The following MTMR12 variants were observed in gnomAD, a reference collection of about 807,000 sequenced individuals.
The protein encoded by MTMR12 is myotubularin-related protein 12.
MTMR12 carries 33 observed loss-of-function variants against 96.7 expected under a neutral mutation model. That is an observed-to-expected ratio of 0.34 (90% CI 0.26 to 0.46). The LOEUF is 0.46. Ranked by LOEUF, MTMR12 falls within the 20% of genes least tolerant of loss-of-function variation. The pLI is 1.00. For missense variants in MTMR12, 721 were observed against 896.1 expected (o/e 0.80, Z 2.49); for synonymous variants, 298 against 327.2 (o/e 0.91, Z 0.96).
At chr5:32,272,763 C>T (rs1749887343) in intron 3 of MTMR12, among the ~76,000 whole-genome samples, 1 of 152,134 alleles carries the variant, frequency 6.6e-6, no homozygotes, top group Non-Finnish European at 1.5e-5. Context: ...AAGTTATGTA[C>T]AGGTTAACAT....
chr5:32,229,834 C>T lies in MTMR12; in HGVS notation c.2188G>A (p.Asp730Asn). The T allele has an allele frequency of 1.3e-6, 2 of 1,586,594 alleles. No homozygotes were observed. The highest frequency in any genetic ancestry group is 2.3e-5 in the South Asian group (2 of 87,074). ...LPTSGWKALG[D>N]EDDLAKREDE... Reference sequence around the variant, plus strand: ...TCTCGTTTGGCCAAATCGTCTTCATCTCCCAAAGCTTTCCAGCCACTGGTG... The same window carrying T: ...TCTCGTTTGGCCAAATCGTCTTCATTTCCCAAAGCTTTCCAGCCACTGGTG... Residue 730 changes from aspartate to asparagine, a missense_variant, in exon 16 of 16, where the codon GAT becomes AAT. Coordinates refer to ENST00000382142, the MANE Select transcript of MTMR12 (RefSeq NM_001040446.3).
At chr5:32,282,613 C>A (rs1474483570) in intron 1 of MTMR12, among the ~76,000 whole-genome samples, 2 of 152,042 alleles carry the variant, frequency 1.3e-5, no homozygotes, top group African/African-American at 4.8e-5. Context: ...CTGCTTCCCC[C>A]CTCAAACAAA....
intron 5 of MTMR12, among the ~76,000 whole-genome samples, chr5:32,270,426 T>C (rs1220671627): frequency 6.6e-6 from 1 of 152,244 alleles, no homozygotes; most frequent in Non-Finnish European, 1.5e-5. Flanking sequence ...TAAACTCATT[T>C]ACTCATAGAA....
chr5:32,250,858 C>G lies in MTMR12; in HGVS notation c.790-1980G>C, dbSNP rs533467419. ...GCGTGAAACAGTAAATAGAAAAAAA[C>G]AAAGTTCCTGGTCAAAGAGGCTTCT... On this transcript the variant is annotated intron_variant, in intron 8 of 15. Coordinates refer to ENST00000382142, the MANE Select transcript of MTMR12 (RefSeq NM_001040446.3). 2.6e-5 allele frequency among the ~76,000 whole-genome samples: 4 copies of G among 152,210 alleles called. No homozygotes were observed. The South Asian group carries it at 8.3e-4, about 32-fold the overall frequency.
chr5:32,242,798 T>C (rs1483168584), intron 11 of MTMR12, among the ~76,000 whole-genome samples: 3 of 152,030 alleles, frequency 2.0e-5, no homozygotes, highest in African/African-American at 7.2e-5. Flanking sequence ...TGCCATTATA[T>C]ATTCAAATTA....
Position 32,228,582 on chromosome 5 carries a change from TATATATGTGATATATATATATATATC to T in MTMR12, c.*1170_*1195del, listed in dbSNP as rs1561727105. 1 of 119,614 alleles carries T rather than the reference TATATATGTGATATATATATATATATC, an allele frequency of 8.4e-6. No individual in the cohort carries two copies. The highest frequency in any genetic ancestry group is 3.5e-5 in the African/African-American group (1 of 28,888). 7.4% of individuals were successfully genotyped at this position (119,614 alleles called of 1,614,324 possible). ...ATATATATATATCATATATATATCA[TATATATGTGATATATATATATATATC>T]ATATATATGATATATATATATCACA... On this transcript the variant is annotated 3_prime_UTR_variant, in exon 16 of 16. Transcript: ENST00000382142.
chr5:32,234,371 C>A (rs962751177), intron 14 of MTMR12, among the ~76,000 whole-genome samples: 1 of 152,132 alleles, frequency 6.6e-6, no homozygotes, highest in Non-Finnish European at 1.5e-5. Flanking sequence ...CCTCAGGAGG[C>A]TGCTCAGAAG....
rs145717434 is a variant in MTMR12, at chr5:32,250,444, C to T, written c.790-1566G>A. Among the ~76,000 whole-genome samples the T allele has an allele frequency of 8.8e-4, 134 of 152,338 alleles. 1 individual carries two copies. The highest frequency in any genetic ancestry group is 3.2e-3 in the African/African-American group (131 of 41,584). Reference sequence around the variant, plus strand: ...TCATGATGAGGTGGAAGTGTTAGAACGTAAGATAATCAAAGGGCCCTTTGC... The same window carrying T: ...TCATGATGAGGTGGAAGTGTTAGAATGTAAGATAATCAAAGGGCCCTTTGC... On this transcript the variant is annotated intron_variant, in intron 8 of 15. Coordinates refer to ENST00000382142, the MANE Select transcript of MTMR12 (RefSeq NM_001040446.3).
chr5:32,312,855 G>T lies in MTMR12; in HGVS notation c.-17C>A. ...CCCCAGCATACCGCCGCCCTGGGAAGCAGCGACGCGCGGACGCAGAGGCGG... is the reference window on the plus strand; with the variant it reads ...CCCCAGCATACCGCCGCCCTGGGAATCAGCGACGCGCGGACGCAGAGGCGG... On this transcript the variant is annotated 5_prime_UTR_variant, in exon 1 of 16. Coordinates refer to ENST00000382142, the MANE Select transcript of MTMR12 (RefSeq NM_001040446.3). The surrounding 1 kb of genome is among the most constrained non-coding windows in gnomAD (Gnocchi z 5.0). 1 of 1,516,862 alleles carries T rather than the reference G, an allele frequency of 6.6e-7. No homozygotes were observed. 94.0% of individuals were successfully genotyped at this position (1,516,862 alleles called of 1,614,324 possible). A position where few individuals can be genotyped will look rare whatever the true frequency, so the allele number is the denominator to read the frequency against.
intron 10 of MTMR12, 145 bp downstream of exon 10, chr5:32,247,857 C>G (rs1748761511): frequency 2.2e-6 from 3 of 1,365,076 alleles, no homozygotes; most frequent in East Asian, 2.5e-5. Flanking sequence ...TAATGGCAGC[C>G]AGACCCCTGG....
intron 1 of MTMR12, among the ~76,000 whole-genome samples, chr5:32,290,871 G>A (rs538651772): frequency 5.8e-4 from 89 of 152,316 alleles, no homozygotes; most frequent in Non-Finnish European, 1.0e-3. Flanking sequence ...CTCTTGGCCC[G>A]TTACTGGGCT....
At chr5:32,254,672 G>A (rs914035295) in intron 8 of MTMR12, among the ~76,000 whole-genome samples, 28 of 152,004 alleles carry the variant, frequency 1.8e-4, no homozygotes, top group African/African-American at 4.8e-4. Context: ...GCGAAACCCC[G>A]TCTCTACTAA....
chr5:32,241,905 G>T, intron 12 of MTMR12, 152 bp downstream of exon 12: 1 of 612,198 alleles, frequency 1.6e-6, no homozygotes, highest in Non-Finnish European at 2.7e-6. Flanking sequence ...GAAATCCAAG[G>T]CAAAGGATTC....
chr5:32,312,931 T>A lies in MTMR12; in HGVS notation c.-93A>T. 1 of 1,222,226 alleles carries A rather than the reference T, an allele frequency of 8.2e-7. No individual in the cohort carries two copies. The highest frequency in any genetic ancestry group is 1.1e-6 in the Non-Finnish European group (1 of 928,206). The allele number at this position is 1,222,226 out of a possible 1,614,324, so 75.7% of individuals were successfully genotyped here. On this transcript the variant is annotated 5_prime_UTR_variant, in exon 1 of 16. Coordinates refer to ENST00000382142, the MANE Select transcript of MTMR12 (RefSeq NM_001040446.3). This position sits in a 1 kb window ranked among gnomAD's most constrained non-coding sequence, Gnocchi z 5.0. ...AGCGGCGGCCACCAGCACTAGCGGC[T>A]GGGGCTCCGCCCATCCCCAAGGCCG...
At chr5:32,292,284 G>A (rs1031683540) in intron 1 of MTMR12, among the ~76,000 whole-genome samples, 1 of 152,056 alleles carries the variant, frequency 6.6e-6, no homozygotes, top group African/African-American at 2.4e-5. Context: ...CAGGATTCAC[G>A]GGTCCAGGAA....
chr5:32,263,817 A>G (rs1379271123), intron 6 of MTMR12, among the ~76,000 whole-genome samples: 1 of 152,238 alleles, frequency 6.6e-6, no homozygotes, highest in Non-Finnish European at 1.5e-5. Flanking sequence ...TCATCTGACC[A>G]TGAGTTAATT....
At chr5:32,300,115 A>T (rs1192834037) in intron 1 of MTMR12, among the ~76,000 whole-genome samples, 1 of 152,188 alleles carries the variant, frequency 6.6e-6, no homozygotes, top group African/African-American at 2.4e-5. Context: ...GAGTGCACAG[A>T]CTGTTTCTTT....
At chr5:32,242,573 T>C (rs1222557569) in intron 11 of MTMR12, among the ~76,000 whole-genome samples, 1 of 151,962 alleles carries the variant, frequency 6.6e-6, no homozygotes, top group African/African-American at 2.4e-5. Flanking sequence ...CTACACGTTA[T>C]TCCCTTTGCG....
At chr5:32,255,823 G>T in intron 7 of MTMR12, 55 bp from the exon 8 acceptor site, 2 of 1,456,332 alleles carry the variant, frequency 1.4e-6, no homozygotes, top group South Asian at 1.2e-5. Flanking sequence ...CACAAAATAT[G>T]AAAGCTCAAC....
Sources: gnomAD v4.1 joint callset for allele counts (sites outside exome capture counted in the v4.1 genomes callset) on GRCh38, gnomAD v4.1.1 for gene constraint, Gnocchi (gnomAD v3.1) non-coding constraint, MANE v1.5 for transcripts, NCBI Gene and HGNC (gene_info 2026-07-23, HGNC 2026-07-21) for gene names.